MGST1: variants seen among roughly 807,000 people sequenced by gnomAD.
MGST1 encodes microsomal glutathione S-transferase 1, also known as glutathione S-transferase 12.
In MGST1, 5 loss-of-function variants were observed where a neutral mutation model predicts 8.9. That is an observed-to-expected ratio of 0.56 (90% confidence interval 0.29 to 1.19). MGST1 has a LOEUF of 1.19. Among genes scored for constraint, MGST1 ranks in the 50% most tolerant of loss-of-function variants. MGST1 has a pLI of 0.08. For missense variants in MGST1, 182 were observed against 187.4 expected (o/e 0.97, Z 0.17); for synonymous variants, 54 against 67.8 (o/e 0.80, Z 1.00).
chr12:16,577,991 T>A (rs1438106272), intron 4 of MGST1, among the ~76,000 whole-genome samples: 2 of 152,212 alleles, frequency 1.3e-5, no homozygotes, highest in Non-Finnish European at 2.9e-5. Flanking sequence ...CTGGCAACAC[T>A]ACAACTAATT....
At chr12:16,554,727 A>G (rs964167974) in intron 4 of MGST1, among the ~76,000 whole-genome samples, 3 of 152,170 alleles carry the variant, frequency 2.0e-5, no homozygotes, top group Non-Finnish European at 4.4e-5. Context: ...CCGGAGAGGG[A>G]GACCAGATTC....
At position 16,387,777 on chromosome 12, in the gene MGST1, T is replaced by C. The variant is rs147174464; in HGVS notation, n.778+4173T>C. Among the ~76,000 whole-genome samples the C allele has an allele frequency of 9.2e-3, 1,405 of 152,178 alleles. 26 individuals carry two copies. Among genetic ancestry groups the C allele is most frequent in the African/African-American group, 0.032 (1,319 of 41,556 alleles). ...TCCTGACCTCATGATCTGCCCGCCT[T>C]GGCCTCCTGAAGTGCTGGATTACAG... On this transcript the variant is annotated intron_variant and non_coding_transcript_variant, in intron 1 of 1. Coordinates refer to the MGST1 transcript ENST00000359720.
At chr12:16,556,105 A>T (rs1018149343) in intron 4 of MGST1, among the ~76,000 whole-genome samples, 4 of 151,924 alleles carry the variant, frequency 2.6e-5, no homozygotes, top group Non-Finnish European at 4.4e-5. Context: ...CTTTATTCTT[A>T]AAAAAAAGAA....
At chr12:16,567,086 C>T (rs1443329213) in intron 4 of MGST1, among the ~76,000 whole-genome samples, 1 of 152,104 alleles carries the variant, frequency 6.6e-6, no homozygotes, top group Non-Finnish European at 1.5e-5. Context: ...TTTCCAGCTA[C>T]TCAGGAGGCT....
intron 4 of MGST1, among the ~76,000 whole-genome samples, chr12:16,464,051 A>G (rs1289727584): frequency 6.6e-6 from 1 of 152,190 alleles, no homozygotes; most frequent in Non-Finnish European, 1.5e-5. Flanking sequence ...CTCGTTGACT[A>G]TTGAAATGTG....
At chr12:16,390,623 C>A (rs1438794808) in intron 1 of MGST1, among the ~76,000 whole-genome samples, 3 of 152,124 alleles carry the variant, frequency 2.0e-5, no homozygotes, top group Non-Finnish European at 4.4e-5. Flanking sequence ...ATAAAAGACA[C>A]AATCTTGTTC....
intron 4 of MGST1, among the ~76,000 whole-genome samples, chr12:16,445,878 T>C (rs1449603208): frequency 6.6e-6 from 1 of 151,966 alleles, no homozygotes; most frequent in East Asian, 1.9e-4. Flanking sequence ...AAGTATAACA[T>C]TAGCTTCAAT....
intron 4 of MGST1, among the ~76,000 whole-genome samples, chr12:16,461,664 T>C (rs1941222593): frequency 2.0e-5 from 3 of 152,156 alleles, no homozygotes; most frequent in Admixed American, 2.0e-4. Flanking sequence ...AAAACACATG[T>C]GCTTTTCTTG....
At position 16,497,150 on chromosome 12, in the gene MGST1, G is replaced by A. The variant is rs1417781768; in HGVS notation, n.483-92378G>A. Among the ~76,000 whole-genome samples the A allele has an allele frequency of 1.3e-5, 2 of 152,162 alleles. No individual in the cohort carries two copies. Among genetic ancestry groups the A allele is most frequent in the Non-Finnish European group, 2.9e-5 (2 of 68,000 alleles). On this transcript the variant is annotated intron_variant and non_coding_transcript_variant, in intron 4 of 4. Coordinates refer to the MGST1 transcript ENST00000538857. The surrounding 1 kb of genome is among the most constrained non-coding windows in gnomAD (Gnocchi z 4.4). ...AACCACTGAATCTGCATCCTTTGCT[G>A]TCGGAATCAAATGTTTGGCATTTTA... is the stretch of plus-strand genomic sequence containing the variant.
chr12:16,588,234 C>T (rs537979501), intron 4 of MGST1, among the ~76,000 whole-genome samples: 1 of 151,896 alleles, frequency 6.6e-6, no homozygotes, highest in South Asian at 2.1e-4. Context: ...AAAGTATTTA[C>T]AATTTATAAA....
chr12:16,433,075 G>C (rs879787781), intron 1 of MGST1, among the ~76,000 whole-genome samples: 1 of 152,052 alleles, frequency 6.6e-6, no homozygotes, highest in Non-Finnish European at 1.5e-5. Context: ...ACATTAGGCC[G>C]TCTGCAAGCT....
intron 4 of MGST1, among the ~76,000 whole-genome samples, chr12:16,552,007 T>G (rs889387639): frequency 3.3e-5 from 5 of 152,022 alleles, no homozygotes; most frequent in African/African-American, 1.2e-4. Flanking sequence ...GTAACCTAAA[T>G]GAACTACTTA....
intron 4 of MGST1, among the ~76,000 whole-genome samples, chr12:16,461,224 A>G (rs2137124920): frequency 6.6e-6 from 1 of 152,102 alleles, no homozygotes; most frequent in East Asian, 1.9e-4. Flanking sequence ...CCTTGTTCAA[A>G]CTCAGGCTGC....
chr12:16,483,154 T>C (rs963825175), intron 4 of MGST1, among the ~76,000 whole-genome samples: 1 of 152,198 alleles, frequency 6.6e-6, no homozygotes, highest in African/African-American at 2.4e-5. Context: ...ATTCTACAGA[T>C]AAGGACTACT....
chr12:16,571,022 T>C (rs1295915536), intron 4 of MGST1, among the ~76,000 whole-genome samples: 1 of 152,034 alleles, frequency 6.6e-6, no homozygotes, highest in Non-Finnish European at 1.5e-5. Context: ...ACCCTAAAAC[T>C]TAAAGTATAA....
intron 1 of MGST1, among the ~76,000 whole-genome samples, chr12:16,415,137 T>G (rs765800441): frequency 8.5e-5 from 13 of 152,242 alleles, no homozygotes; most frequent in Non-Finnish European, 1.6e-4. Flanking sequence ...ATAGTAGATA[T>G]GTACATTTTC....
At chr12:16,373,614 T>G (rs1199382154) in intron 3 of MGST1, among the ~76,000 whole-genome samples, 1 of 152,006 alleles carries the variant, frequency 6.6e-6, no homozygotes, top group Non-Finnish European at 1.5e-5. Flanking sequence ...TTTTACAAAG[T>G]TTGTCAACTC....
At chr12:16,404,882 G>A (rs1940686821) in intron 1 of MGST1, among the ~76,000 whole-genome samples, 1 of 152,082 alleles carries the variant, frequency 6.6e-6, no homozygotes, top group Non-Finnish European at 1.5e-5. Context: ...TGACTTGAGT[G>A]TGGATCTACT....
intron 1 of MGST1, among the ~76,000 whole-genome samples, chr12:16,435,141 A>G (rs1940973033): frequency 6.6e-6 from 1 of 152,020 alleles, no homozygotes; most frequent in African/African-American, 2.4e-5. Context: ...GACCTGGGAT[A>G]CAGCTAACAA....
Sources: gnomAD v4.1 joint callset for allele counts (sites outside exome capture counted in the v4.1 genomes callset) on GRCh38, gnomAD v4.1.1 for gene constraint, Gnocchi (gnomAD v3.1) non-coding constraint, MANE v1.5 for transcripts, NCBI Gene and HGNC (gene_info 2026-07-23, HGNC 2026-07-21) for gene names.